IFTAP: variants seen among roughly 807,000 people sequenced by gnomAD.
IFTAP encodes the protein intraflagellar transport associated protein.
A neutral mutation model predicts 19.4 loss-of-function variants in IFTAP; 19 were observed. That is an observed-to-expected ratio of 0.98 (90% CI 0.68 to 1.44). The LOEUF (loss-of-function observed/expected upper bound fraction) is 1.44, where lower values mean the gene tolerates loss of function less well. Among genes scored for constraint, IFTAP ranks in the 40% most tolerant of loss-of-function variants. The pLI is 0.00. For synonymous variants in IFTAP, 85 were observed against 83.5 expected (o/e 1.02, Z -0.10); for missense variants, 240 against 253.6 (o/e 0.95, Z 0.36).
chr11:36,644,746 A>T (rs1247892594), intron 4 of IFTAP, among the ~76,000 whole-genome samples: 1 of 151,178 alleles, frequency 6.6e-6, no homozygotes, highest in Non-Finnish European at 1.5e-5. Flanking sequence ...AACTATCGTA[A>T]GGATAAAAAA....
chr11:36,635,130 G>C (rs975017211), intron 3 of IFTAP, among the ~76,000 whole-genome samples: 2 of 152,142 alleles, frequency 1.3e-5, no homozygotes, highest in African/African-American at 4.8e-5. Context: ...CTCGCAAGTA[G>C]AGCTGGGGGA....
intron 5 of IFTAP, among the ~76,000 whole-genome samples, chr11:36,648,709 C>T (rs1853590044): frequency 6.6e-6 from 1 of 152,058 alleles, no homozygotes; most frequent in Non-Finnish European, 1.5e-5. Flanking sequence ...TTGTCCTCAC[C>T]TGCGTGTTCC....
At chr11:36,643,323 A>G (rs775534633) in intron 4 of IFTAP, among the ~76,000 whole-genome samples, 14 of 152,202 alleles carry the variant, frequency 9.2e-5, no homozygotes, top group Non-Finnish European at 1.9e-4. Flanking sequence ...GAGAACTACA[A>G]ACCAACTGCT....
rs760977633 is a variant in IFTAP at position 36,648,098 on chromosome 11, T to TTTTC, written c.441_442insTTTC (p.Thr148PhefsTer4). 56 of 1,613,380 alleles carry TTTTC rather than the reference T, an allele frequency of 3.5e-5. No individual in the cohort carries two copies. The highest frequency in any genetic ancestry group is 2.7e-4 in the Admixed American group (16 of 59,894). ...GTATCCCTTTTGTGGCCCAGCCTCCTACCTGTGAAGTGAAGCCAAAGCCCA... is the reference window on the plus strand; with the variant it reads ...GTATCCCTTTTGTGGCCCAGCCTCCTTTTCACCTGTGAAGTGAAGCCAAAGCCCA... On this transcript the variant is annotated frameshift_variant, in exon 5 of 6. Coordinates refer to ENST00000334307, the MANE Select transcript of IFTAP (RefSeq NM_138787.4). LOFTEE classifies it high-confidence loss of function.
intron 4 of IFTAP, among the ~76,000 whole-genome samples, chr11:36,646,174 G>A (rs147549915): frequency 9.7e-4 from 147 of 152,298 alleles, no homozygotes; most frequent in African/African-American, 3.3e-3. Context: ...TTGCAGAGTT[G>A]TCCTCCTCAC....
At chr11:36,608,410 C>T (rs955574709) in intron 1 of IFTAP, among the ~76,000 whole-genome samples, 5 of 152,210 alleles carry the variant, frequency 3.3e-5, no homozygotes, top group South Asian at 4.1e-4. Context: ...GCTCTCCCTT[C>T]CTTCCATTAT....
chr11:36,652,489 C>A (rs1458525789), intron 5 of IFTAP, among the ~76,000 whole-genome samples: 1 of 152,174 alleles, frequency 6.6e-6, no homozygotes, highest in African/African-American at 2.4e-5. Context: ...ACAATCATAT[C>A]ATCTGCAAAC....
chr11:36,646,506 G>A (rs940638491), intron 4 of IFTAP, among the ~76,000 whole-genome samples: 4 of 152,172 alleles, frequency 2.6e-5, no homozygotes, highest in Non-Finnish European at 5.9e-5. Context: ...GGTGTGAAAT[G>A]TTTGGGAAAT....
chr11:36,650,119 G>A (rs10501161), intron 5 of IFTAP, among the ~76,000 whole-genome samples: 14,409 of 152,110 alleles, frequency 0.095, 839 homozygotes, highest in African/African-American at 0.15. Flanking sequence ...CACTGCCTTG[G>A]TTTGATAACA....
At chr11:36,651,519 G>C (rs1308189686) in intron 5 of IFTAP, among the ~76,000 whole-genome samples, 1 of 152,082 alleles carries the variant, frequency 6.6e-6, no homozygotes, top group Non-Finnish European at 1.5e-5. Flanking sequence ...TCACTCTGAG[G>C]GTAGTTTCTT....
chr11:36,611,852 A>C (rs12419750), intron 2 of IFTAP, among the ~76,000 whole-genome samples: 16,204 of 152,080 alleles, frequency 0.11, 988 homozygotes, highest in African/African-American at 0.15. Flanking sequence ...GTTTAGGAAG[A>C]TACCTGCTTT....
intron 4 of IFTAP, among the ~76,000 whole-genome samples, chr11:36,643,668 G>C (rs1222614065): frequency 6.6e-6 from 1 of 152,138 alleles, no homozygotes; most frequent in Non-Finnish European, 1.5e-5. Context: ...CAATGGAAAA[G>C]AACAGAGCCC....
intron 4 of IFTAP, among the ~76,000 whole-genome samples, chr11:36,639,906 A>C (rs1853128743): frequency 6.6e-6 from 1 of 152,136 alleles, no homozygotes. Context: ...TTTTTGAAAA[A>C]AAGTTCATTC....
chr11:36,635,084 C>A (rs1375210625), intron 3 of IFTAP, among the ~76,000 whole-genome samples: 1 of 152,140 alleles, frequency 6.6e-6, no homozygotes, highest in Non-Finnish European at 1.5e-5. Flanking sequence ...AAAGCAATGG[C>A]AGTACCATTT....
At chr11:36,649,151 C>T (rs1216521816) in intron 5 of IFTAP, among the ~76,000 whole-genome samples, 2 of 152,050 alleles carry the variant, frequency 1.3e-5, no homozygotes, top group African/African-American at 2.4e-5. Context: ...TCATGAGGTA[C>T]TAGTCTTGTT....
chr11:36,627,738 T>A (rs1219227586), intron 2 of IFTAP, among the ~76,000 whole-genome samples: 1 of 151,112 alleles, frequency 6.6e-6, no homozygotes, highest in Non-Finnish European at 1.5e-5. Context: ...GAAGGTAAGC[T>A]CATTTTATGG....
At chr11:36,633,960 C>A (rs754594387) in intron 3 of IFTAP, among the ~76,000 whole-genome samples, 1 of 152,108 alleles carries the variant, frequency 6.6e-6, no homozygotes, top group Non-Finnish European at 1.5e-5. Flanking sequence ...GGAAACTGTT[C>A]TGCTTTTTAA....
chr11:36,631,740 A>C (rs763015558), intron 2 of IFTAP, among the ~76,000 whole-genome samples: 18 of 150,424 alleles, frequency 1.2e-4, no homozygotes, highest in Non-Finnish European at 2.6e-4. Context: ...GGATTCTCCA[A>C]CCCAACAATG....
intron 2 of IFTAP, among the ~76,000 whole-genome samples, chr11:36,624,568 C>T (rs1238264048): frequency 6.6e-6 from 1 of 152,178 alleles, no homozygotes; most frequent in Non-Finnish European, 1.5e-5. Context: ...TGGAACAAAG[C>T]CTACCCACCT....
Sources: gnomAD v4.1 joint callset for allele counts (sites outside exome capture counted in the v4.1 genomes callset) on GRCh38, gnomAD v4.1.1 for gene constraint, MANE v1.5 for transcripts, NCBI Gene and HGNC (gene_info 2026-07-23, HGNC 2026-07-21) for gene names.